Variants in RASA1 observed in about 807,000 individuals in gnomAD.
The protein encoded by RASA1 is RAS p21 protein activator 1, also known as ras GTPase-activating protein 1.
RASA1 carries 25 observed loss-of-function variants against 132.2 expected under a neutral mutation model. The observed-to-expected ratio is 0.19, with a 90% confidence interval of 0.14 to 0.26. The LOEUF (loss-of-function observed/expected upper bound fraction) is 0.26, where lower values mean the gene tolerates loss of function less well. Ranked by LOEUF, RASA1 falls within the 10% of genes least tolerant of loss-of-function variation. RASA1 has a pLI of 1.00. For synonymous variants in RASA1, 477 were observed against 449.9 expected, an observed-to-expected ratio of 1.06 and a Z score of -0.76; for missense variants, 964 against 1,299.2, an observed-to-expected ratio of 0.74 and a Z score of 3.97.
intron 6 of RASA1, among the ~76,000 whole-genome samples, chr5:87,344,894 TC>T (rs1329525481): frequency 1.3e-5 from 2 of 151,906 alleles, no homozygotes; most frequent in Non-Finnish European, 2.9e-5. Context: ...ATTCATCACT[TC>T]CCCCTAGAAA....
intron 9 of RASA1, among the ~76,000 whole-genome samples, chr5:87,357,301 G>A (rs1383293661): frequency 6.6e-6 from 1 of 151,892 alleles, no homozygotes; most frequent in Admixed American, 6.6e-5. Context: ...TTTAGACCAT[G>A]GCTAGGATCT....
chr5:87,346,406 T>C (rs547119245), intron 6 of RASA1, among the ~76,000 whole-genome samples: 26 of 152,116 alleles, frequency 1.7e-4, no homozygotes, highest in African/African-American at 6.3e-4. Flanking sequence ...TCTGTTATTA[T>C]CAGGATTAAA....
rs1760246925 is a variant in RASA1 at position 87,363,197 on chromosome 5, T to C, written c.1454-151T>C. ...AAGGCATTTTTGTACAGATTTGTTA[T>C]AGGCATTTTCTCATTATGTAAGAAT... On this transcript the variant is annotated intron_variant, in intron 10 of 24. Coordinates refer to ENST00000274376, the MANE Select transcript of RASA1 (RefSeq NM_002890.3). The C allele has an allele frequency of 1.4e-5, 10 of 718,084 alleles. No individual in the cohort carries two copies. In the South Asian group the frequency reaches 1.7e-4, roughly 12 times the overall value. The allele number at this position is 718,084 out of a possible 1,614,324, so 44.5% of individuals were successfully genotyped here.
At position 87,331,506 on chromosome 5, in the gene RASA1, T is replaced by G. The variant is rs1757596281; in HGVS notation, c.692+6T>G. 3 of 1,613,472 alleles carry G rather than the reference T, an allele frequency of 1.9e-6. No individual in the cohort carries two copies. Among genetic ancestry groups the G allele is most frequent in the Non-Finnish European group, 2.5e-6 (3 of 1,179,522 alleles). On this transcript the variant is annotated splice_donor_region_variant and intron_variant, in intron 2 of 24. Coordinates refer to ENST00000274376, the MANE Select transcript of RASA1 (RefSeq NM_002890.3). ...AATGTTGTCAACCATTTTAGGTAAGTCTTTATTCCTATTATGAAGCCAAAT... is the reference window on the plus strand; with the variant it reads ...AATGTTGTCAACCATTTTAGGTAAGGCTTTATTCCTATTATGAAGCCAAAT...
rs1753652832 is a variant in RASA1 at position 87,268,288 on chromosome 5, C to T, written c.-164C>T. 1 of 1,046,580 alleles carries T rather than the reference C, an allele frequency of 9.6e-7. No homozygotes were observed. 64.8% of individuals were successfully genotyped at this position (1,046,580 alleles called of 1,614,324 possible). A position where few individuals can be genotyped will look rare whatever the true frequency, so the allele number is the denominator to read the frequency against. ...GCAGCTGGGGAGCCTGGGCTGTGGCCCTAGGAGGGGGCGCGGCGGCGGGCT... is the reference window on the plus strand; with the variant it reads ...GCAGCTGGGGAGCCTGGGCTGTGGCTCTAGGAGGGGGCGCGGCGGCGGGCT... On this transcript the variant is annotated 5_prime_UTR_variant, in exon 1 of 25. Transcript: ENST00000274376.
chr5:87,390,577 CACAA>C (rs750055808), intron 24 of RASA1, among the ~76,000 whole-genome samples: 18 of 152,226 alleles, frequency 1.2e-4, no homozygotes, highest in Admixed American at 1.0e-3. Flanking sequence ...GCATGCCAAA[CACAA>C]ACAAATTTCT....
intron 6 of RASA1, among the ~76,000 whole-genome samples, chr5:87,346,221 TC>T (rs1234039198): frequency 6.6e-6 from 1 of 152,038 alleles, no homozygotes; most frequent in Non-Finnish European, 1.5e-5. Flanking sequence ...ATTCTGACTT[TC>T]AGCAAAGTAA....
At position 87,273,498 on chromosome 5, in the gene RASA1, G is replaced by A. The variant is rs371150828; in HGVS notation, c.539+4508G>A. Among the ~76,000 whole-genome samples, 21 of 152,010 alleles carry A rather than the reference G, an allele frequency of 1.4e-4. No homozygotes were observed. In the South Asian group the frequency reaches 4.4e-3, roughly 32 times the overall value. On this transcript the variant is annotated intron_variant, in intron 1 of 24. Transcript: ENST00000274376. Reference sequence around the variant, plus strand: ...TCTCATTTTTTTTCTTCTGCAGGGTGAGGGGCAGTGGTGGTAAAGGTATAT... The same window carrying A: ...TCTCATTTTTTTTCTTCTGCAGGGTAAGGGGCAGTGGTGGTAAAGGTATAT...
At chr5:87,324,099 G>C (rs769280131) in intron 1 of RASA1, among the ~76,000 whole-genome samples, 4 of 152,216 alleles carry the variant, frequency 2.6e-5, no homozygotes, top group Non-Finnish European at 4.4e-5. Flanking sequence ...TTAACCTTCA[G>C]ACGTAGTGAT....
chr5:87,376,426 A>G lies in RASA1; in HGVS notation c.2045A>G (p.Lys682Arg). ...FMRCQLSRLQ[K>R]GHATDEWFLL... is the part of the protein sequence containing the mutation. The stretch of plus-strand genomic sequence containing the variant: ...CGCTGCCAGTTGAGCCGATTACAGA[A>G]AGGGCATGCCACAGATGAATGGTTT... Residue 682 changes from lysine (K) to arginine (R), a missense_variant, in exon 16 of 25, where the codon AAA (lysine) becomes AGA (arginine). Physicochemically the swap from Lys to Arg is conservative, Grantham distance 26. This residue lies in a region of RASA1 where 346 missense variants were observed against 520.1 expected (regional missense o/e 0.67). Transcript: ENST00000274376. 2 of 1,614,046 alleles carry G rather than the reference A, an allele frequency of 1.2e-6. No individual in the cohort carries two copies. Among genetic ancestry groups the G allele is most frequent in the Non-Finnish European group, 1.7e-6 (2 of 1,179,978 alleles).
At chr5:87,272,585 C>T (rs1284106543) in intron 1 of RASA1, among the ~76,000 whole-genome samples, 1 of 151,820 alleles carries the variant, frequency 6.6e-6, no homozygotes, top group Non-Finnish European at 1.5e-5. Flanking sequence ...GTATTCGTCA[C>T]AGTACTTGGG....
intron 7 of RASA1, among the ~76,000 whole-genome samples, chr5:87,348,227 T>G (rs1467747137): frequency 6.6e-6 from 1 of 152,076 alleles, no homozygotes; most frequent in Non-Finnish European, 1.5e-5. Context: ...GATTTATTTT[T>G]TTCTTTTTAC....
intron 6 of RASA1, 131 bp from the exon 7 acceptor site, chr5:87,346,541 T>C: frequency 1.9e-6 from 1 of 528,598 alleles, no homozygotes; most frequent in Non-Finnish European, 3.4e-6. Flanking sequence ...GTAATAAGAA[T>C]GAGATGATTT....
chr5:87,270,504 T>A (rs1753779284), intron 1 of RASA1, among the ~76,000 whole-genome samples: 1 of 151,328 alleles, frequency 6.6e-6, no homozygotes, highest in South Asian at 2.1e-4. Flanking sequence ...CATGCCACCA[T>A]GTCTGGCTAA....
intron 8 of RASA1, among the ~76,000 whole-genome samples, 195 bp downstream of exon 8, chr5:87,349,559 T>A (rs571031020): frequency 2.6e-5 from 4 of 151,954 alleles, no homozygotes; most frequent in African/African-American, 7.2e-5. Context: ...TAGTAACTTA[T>A]ACTTTGTTTC....
intron 11 of RASA1, among the ~76,000 whole-genome samples, chr5:87,363,737 G>C (rs1223644692): frequency 6.6e-6 from 1 of 151,914 alleles, no homozygotes; most frequent in African/African-American, 2.4e-5. Flanking sequence ...AGCATGTTTT[G>C]TCCCTGCCCC....
chr5:87,337,206 A>G (rs1434609688), intron 4 of RASA1, among the ~76,000 whole-genome samples: 1 of 152,132 alleles, frequency 6.6e-6, no homozygotes, highest in Non-Finnish European at 1.5e-5. Context: ...ATGGTTTTAT[A>G]TTGATGAAAT....
chr5:87,287,610 TATATACCATACATATACACGCCATAG>T (rs1754692947), intron 1 of RASA1, among the ~76,000 whole-genome samples: 2 of 146,088 alleles, frequency 1.4e-5, no homozygotes, highest in African/African-American at 2.6e-5. Flanking sequence ...ACACGCCATA[TATATACCATACATATACACGCCATAG>T]ATATACCATA....
intron 1 of RASA1, among the ~76,000 whole-genome samples, chr5:87,292,993 C>T (rs529685279): frequency 8.5e-5 from 13 of 152,260 alleles, no homozygotes; most frequent in South Asian, 2.1e-4. Context: ...TTGTTAGTTC[C>T]ATGAGGTTTT....
Sources: gnomAD v4.1 joint callset for allele counts (sites outside exome capture counted in the v4.1 genomes callset) on GRCh38, gnomAD v4.1.1 for gene constraint, gnomAD v4.1.1 regional missense constraint, MANE v1.5 for transcripts, NCBI Gene and HGNC (gene_info 2026-07-23, HGNC 2026-07-21) for gene names.